Variants in LIMCH1 observed in about 807,000 individuals in gnomAD.
LIMCH1 encodes the protein LIM and calponin homology domains 1, also known as LIM and calponin homology domains-containing protein 1.
Under a neutral mutation model 176.5 loss-of-function variants are expected in LIMCH1, and 113 were observed. The observed-to-expected ratio is 0.64, with a 90% CI of 0.55 to 0.75. LIMCH1 has a LOEUF of 0.75. LIMCH1 is among the 30% of genes least tolerant of loss of function. The pLI, the probability that LIMCH1 is intolerant of heterozygous loss-of-function variation, is 0.00. For synonymous variants in LIMCH1, 619 were observed against 645.9 expected, an observed-to-expected ratio of 0.96 and a Z score of 0.63; for missense variants, 1,674 against 1,814.9, an observed-to-expected ratio of 0.92 and a Z score of 1.41.
chr4:41,382,657 A>C (rs879325882), intron 1 of LIMCH1, among the ~76,000 whole-genome samples: 1 of 152,200 alleles, frequency 6.6e-6, no homozygotes, highest in Non-Finnish European at 1.5e-5. Flanking sequence ...CTACCTTTGC[A>C]CATTTGGTTT....
chr4:41,639,274 A>G (rs2093722346), intron 14 of LIMCH1, among the ~76,000 whole-genome samples: 1 of 152,252 alleles, frequency 6.6e-6, no homozygotes, highest in Non-Finnish European at 1.5e-5. Flanking sequence ...CTTCTGAACT[A>G]TAGATTTATT....
intron 1 of LIMCH1, among the ~76,000 whole-genome samples, chr4:41,406,775 G>T (rs2059001481): frequency 6.6e-6 from 1 of 152,150 alleles, no homozygotes; most frequent in South Asian, 2.1e-4. Context: ...TTCCTTTGAT[G>T]TGTGTGGTAA....
chr4:41,620,602 G>A lies in LIMCH1; in HGVS notation c.637G>A (p.Glu213Lys). The A allele has an allele frequency of 2.0e-6, 3 of 1,536,180 alleles. No individual in the cohort carries two copies. The highest frequency in any genetic ancestry group is 2.6e-6 in the Non-Finnish European group (3 of 1,146,926). Reference protein sequence around the residue: ...GAVVAPAPKSEEKDAAEIQKR... With the variant: ...GAVVAPAPKSKEKDAAEIQKR... Reference sequence around the variant, plus strand: ...TGTGGTGGCACCAGCTCCCAAGTCTGAAGAAAAAGATGCTGCTGAGATCCA... The same window carrying A: ...TGTGGTGGCACCAGCTCCCAAGTCTAAAGAAAAAGATGCTGCTGAGATCCA... The change falls in exon 7 of 32, where the codon GAA (glutamate) becomes AAA (lysine). Residue 213 changes from glutamate (E) to lysine (K), a missense_variant. Glu to Lys is a moderately conservative substitution (Grantham distance 56). Coordinates refer to ENST00000503057, the MANE Select transcript of LIMCH1 (RefSeq NM_001330672.2).
At chr4:41,648,658 G>GGTGTGTGTGTGTGTGTGTGTGT (rs71650941) in intron 17 of LIMCH1, among the ~76,000 whole-genome samples, 29 of 135,400 alleles carry the variant, frequency 2.1e-4, no homozygotes, top group Middle Eastern at 4.2e-3. Flanking sequence ...AAGGGGTAGG[G>GGTGTGTGTGTGTGTGTGTGTGT]GTGTGTGTGT....
chr4:41,459,493 G>A (rs2065030206), intron 1 of LIMCH1, among the ~76,000 whole-genome samples: 1 of 152,098 alleles, frequency 6.6e-6, no homozygotes, highest in South Asian at 2.1e-4. Context: ...GTAAAGACGA[G>A]GTCTCACCCT....
At chr4:41,692,192 T>C in intron 30 of LIMCH1, 90 bp from the exon 31 acceptor site, 1 of 787,492 alleles carries the variant, frequency 1.3e-6, no homozygotes. Flanking sequence ...GTAGAAGGGA[T>C]TATTGTGCTA....
At chr4:41,379,791 T>G (rs74723296) in intron 1 of LIMCH1, among the ~76,000 whole-genome samples, 1,808 of 152,238 alleles carry the variant, frequency 0.012, 13 homozygotes, top group South Asian at 0.019. Flanking sequence ...TTTTATTTAT[T>G]TATTTATTTT....
intron 1 of LIMCH1, among the ~76,000 whole-genome samples, chr4:41,581,886 A>C (rs1020829125): frequency 6.6e-6 from 1 of 151,014 alleles, no homozygotes; most frequent in Admixed American, 6.6e-5. Context: ...AGTCTGGCCT[A>C]TTTCACTTGG....
At chr4:41,396,362 T>A (rs13116757) in intron 1 of LIMCH1, among the ~76,000 whole-genome samples, 2 of 151,902 alleles carry the variant, frequency 1.3e-5, no homozygotes, top group Admixed American at 6.6e-5. Context: ...CTACTAAACC[T>A]CTCTTCTTTA....
intron 4 of LIMCH1, chr4:41,612,343 T>C (rs1388454992): frequency 5.4e-6 from 3 of 559,168 alleles, no homozygotes; most frequent in South Asian, 5.1e-5. Context: ...AGAATATTTA[T>C]TTTTCCTTTC....
intron 7 of LIMCH1, among the ~76,000 whole-genome samples, chr4:41,626,062 A>C (rs1451901565): frequency 1.3e-5 from 2 of 152,190 alleles, no homozygotes; most frequent in Admixed American, 1.3e-4. Context: ...GGAGGATAGA[A>C]GAGGGAAGAA....
At chr4:41,360,210 A>G (rs1260932815), upstream of LIMCH1, among the ~76,000 whole-genome samples, 1 of 152,156 alleles carries the variant, frequency 6.6e-6, no homozygotes, top group Non-Finnish European at 1.5e-5. The surrounding 1 kb of genome is among the most constrained non-coding windows in gnomAD (Gnocchi z 4.5). Flanking sequence ...TCTTCTTACA[A>G]AAAGATCAGG....
intron 1 of LIMCH1, among the ~76,000 whole-genome samples, chr4:41,593,169 T>A (rs2087975497): frequency 6.6e-6 from 1 of 152,180 alleles, no homozygotes; most frequent in Admixed American, 6.5e-5. Flanking sequence ...GCTCAGGTCT[T>A]ACCCATAGCC....
At chr4:41,437,507 A>G (rs1306902729) in intron 1 of LIMCH1, among the ~76,000 whole-genome samples, 2 of 152,234 alleles carry the variant, frequency 1.3e-5, no homozygotes, top group Non-Finnish European at 2.9e-5. Flanking sequence ...CTGTAGTGGA[A>G]TTAACTTAAA....
At chr4:41,413,224 T>A (rs545308975) in intron 1 of LIMCH1, among the ~76,000 whole-genome samples, 1 of 152,074 alleles carries the variant, frequency 6.6e-6, no homozygotes, top group South Asian at 2.1e-4. Context: ...ATAAGTTTTT[T>A]TTTTTTTTTT....
upstream of LIMCH1, chr4:41,360,779 T>G (rs2051858301): frequency 7.6e-7 from 1 of 1,321,122 alleles, no homozygotes; most frequent in Non-Finnish European, 1.0e-6. The surrounding 1 kb of genome is among the most constrained non-coding windows in gnomAD (Gnocchi z 4.5). Flanking sequence ...AGCGCGCTCC[T>G]GCGGCGGCGA....
At chr4:41,380,930 G>A (rs1484546331) in intron 1 of LIMCH1, among the ~76,000 whole-genome samples, 1 of 152,194 alleles carries the variant, frequency 6.6e-6, no homozygotes, top group Non-Finnish European at 1.5e-5. Flanking sequence ...TTTGACCACA[G>A]CTTCTTTAGG....
At chr4:41,677,040 G>A (rs2153033273) in intron 23 of LIMCH1, among the ~76,000 whole-genome samples, 1 of 152,036 alleles carries the variant, frequency 6.6e-6, no homozygotes, top group Admixed American at 6.6e-5. Flanking sequence ...ATGCACACCT[G>A]TAATTCCTGC....
chr4:41,521,590 T>TA (rs1446961073), intron 2 of LIMCH1, among the ~76,000 whole-genome samples: 2 of 152,206 alleles, frequency 1.3e-5, no homozygotes, highest in Non-Finnish European at 2.9e-5. Context: ...AAATACAAGA[T>TA]AAGCAGGTGT....
Sources: allele counts gnomAD v4.1 joint callset (sites outside exome capture counted in the v4.1 genomes callset), GRCh38; gene constraint gnomAD v4.1.1; non-coding constraint Gnocchi (gnomAD v3.1); transcripts MANE v1.5; gene names NCBI Gene and HGNC (gene_info 2026-07-23, HGNC 2026-07-21).